EYS: variants seen among roughly 807,000 people sequenced by gnomAD.
EYS encodes protein eyes shut homolog.
EYS carries 250 observed loss-of-function variants against 282.1 expected under a neutral mutation model. That is an observed-to-expected ratio of 0.89 (90% CI 0.80 to 0.98). The LOEUF is 0.98. Ranked by LOEUF, EYS falls within the 50% of genes least tolerant of loss-of-function variation. The pLI is 0.00. For missense variants in EYS, 4,016 were observed against 3,709.0 expected, an observed-to-expected ratio of 1.08 and a Z score of -2.15; for synonymous variants, 1,355 against 1,282.9, an observed-to-expected ratio of 1.06 and a Z score of -1.20.
At chr6:64,450,498 C>T (rs1259945554) in intron 26 of EYS, among the ~76,000 whole-genome samples, 1 of 152,086 alleles carries the variant, frequency 6.6e-6, no homozygotes, top group Admixed American at 6.6e-5. Flanking sequence ...CAGCTCTGCA[C>T]CAAGTAGACC....
chr6:65,622,038 A>G (rs1766520150), intron 2 of EYS, among the ~76,000 whole-genome samples: 1 of 152,198 alleles, frequency 6.6e-6, no homozygotes, highest in Non-Finnish European at 1.5e-5. Flanking sequence ...CTCCAAGCAC[A>G]AGACAGAGAT....
chr6:65,622,711 C>T (rs189783970), intron 2 of EYS, among the ~76,000 whole-genome samples: 1 of 151,598 alleles, frequency 6.6e-6, no homozygotes, highest in East Asian at 1.9e-4. Flanking sequence ...AAGAGTAAGA[C>T]CACATTTTTA....
At chr6:65,177,870 G>A (rs141996002) in intron 12 of EYS, among the ~76,000 whole-genome samples, 351 of 151,876 alleles carry the variant, frequency 2.3e-3, no homozygotes, top group Admixed American at 5.0e-3. Flanking sequence ...TTCCAGAGAC[G>A]TTTTAGCAAT....
At chr6:64,689,752 G>C (rs1770301919) in intron 22 of EYS, among the ~76,000 whole-genome samples, 1 of 152,176 alleles carries the variant, frequency 6.6e-6, no homozygotes, top group Non-Finnish European at 1.5e-5. Context: ...AATAAATGGT[G>C]CTGGGAAAAC....
At chr6:64,821,212 A>G (rs149918327) in intron 21 of EYS, among the ~76,000 whole-genome samples, 64 of 152,176 alleles carry the variant, frequency 4.2e-4, no homozygotes, top group Non-Finnish European at 7.9e-4. Context: ...ACGTCTTGAT[A>G]TATGCATCCA....
chr6:64,248,183 TTGTG>T (rs10589491), intron 30 of EYS, among the ~76,000 whole-genome samples: 4,979 of 146,040 alleles, frequency 0.034, 122 homozygotes, highest in East Asian at 0.093. Context: ...CAGAAGAAGC[TTGTG>T]TGTGTGTGTG....
At chr6:64,202,892 C>T (rs1765505970) in intron 31 of EYS, among the ~76,000 whole-genome samples, 1 of 152,216 alleles carries the variant, frequency 6.6e-6, no homozygotes, top group Non-Finnish European at 1.5e-5. Context: ...TTCTCCTCTA[C>T]ATTCCTTTGG....
intron 12 of EYS, among the ~76,000 whole-genome samples, chr6:65,069,220 C>T (rs1405986233): frequency 6.6e-6 from 1 of 151,902 alleles, no homozygotes; most frequent in Non-Finnish European, 1.5e-5. Flanking sequence ...CTTCTTTGAT[C>T]GGCATTTAAA....
chr6:64,004,722 G>A (rs1411616355), intron 33 of EYS, among the ~76,000 whole-genome samples: 1 of 152,100 alleles, frequency 6.6e-6, no homozygotes, highest in Non-Finnish European at 1.5e-5. Flanking sequence ...GTGGTATTTG[G>A]TTTTCTGATC....
At chr6:64,726,552 A>G (rs1399170284) in intron 22 of EYS, among the ~76,000 whole-genome samples, 1 of 152,176 alleles carries the variant, frequency 6.6e-6, no homozygotes, top group Non-Finnish European at 1.5e-5. Flanking sequence ...CAAAATGTTC[A>G]GATAGAAAAA....
intron 19 of EYS, among the ~76,000 whole-genome samples, chr6:64,874,060 T>G (rs1766671208): frequency 6.6e-6 from 1 of 152,042 alleles, no homozygotes; most frequent in South Asian, 2.1e-4. Context: ...TTTCTTTAAA[T>G]TTGACCAGTT....
chr6:63,862,742 A>G (rs543602176), intron 36 of EYS, among the ~76,000 whole-genome samples: 45 of 152,326 alleles, frequency 3.0e-4, no homozygotes, highest in African/African-American at 9.4e-4. Context: ...TGAGATTTTT[A>G]TGGGAAAGGA....
chr6:64,181,185 A>AC (rs2150311650), intron 31 of EYS, among the ~76,000 whole-genome samples: 1 of 152,306 alleles, frequency 6.6e-6, no homozygotes, highest in Admixed American at 6.5e-5. Context: ...TGGTAAATTG[A>AC]CCATAATCAA....
intron 35 of EYS, among the ~76,000 whole-genome samples, chr6:63,865,682 A>G (rs1330595817): frequency 6.6e-6 from 1 of 152,082 alleles, no homozygotes; most frequent in Admixed American, 6.6e-5. Context: ...TTCCCCAGCT[A>G]TCTGTATGGT....
At chr6:63,896,144 G>A (rs959339128) in intron 35 of EYS, among the ~76,000 whole-genome samples, 4 of 152,148 alleles carry the variant, frequency 2.6e-5, no homozygotes, top group South Asian at 2.1e-4. Context: ...TAAATTGTTC[G>A]TATGATTTTC....
At chr6:64,606,744 T>G (rs1439537390) in intron 24 of EYS, among the ~76,000 whole-genome samples, 1 of 151,928 alleles carries the variant, frequency 6.6e-6, no homozygotes, top group Non-Finnish European at 1.5e-5. Flanking sequence ...AAGCTAGTCT[T>G]CAAACTCTGG....
intron 12 of EYS, among the ~76,000 whole-genome samples, chr6:65,105,272 C>T (rs565376458): frequency 1.3e-5 from 2 of 151,396 alleles, no homozygotes; most frequent in South Asian, 2.1e-4. Context: ...GAAACAATTT[C>T]TTCAGTCTTC....
At chr6:64,643,119 C>T (rs1364444176) in intron 22 of EYS, among the ~76,000 whole-genome samples, 1 of 117,418 alleles carries the variant, frequency 8.5e-6, no homozygotes, top group Non-Finnish European at 1.8e-5. Context: ...CCATCCCCCC[C>T]CCCAAAAAAA....
intron 11 of EYS, chr6:65,330,159 GAA>G: frequency 1.0e-6 from 1 of 981,266 alleles, no homozygotes; most frequent in Non-Finnish European, 1.2e-6. Flanking sequence ...GATGTGTTCT[GAA>G]GAGTGTATAA....
Sources: gnomAD v4.1 joint callset for allele counts (sites outside exome capture counted in the v4.1 genomes callset) on GRCh38, gnomAD v4.1.1 for gene constraint, MANE v1.5 for transcripts, NCBI Gene and HGNC (gene_info 2026-07-23, HGNC 2026-07-21) for gene names.